The following NPNT variants were observed in gnomAD, a reference collection of about 807,000 sequenced individuals.
The protein encoded by NPNT is preosteoblast EGF-like repeat protein with MAM domain.
Under a neutral mutation model 68.6 loss-of-function variants are expected in NPNT, and 45 were observed. The ratio of observed to expected loss-of-function variants is 0.66; its 90% CI spans 0.52 to 0.84. NPNT has a LOEUF of 0.84. NPNT is among the 40% of genes least tolerant of loss of function. NPNT has a pLI of 0.00. For missense variants in NPNT, 672 were observed against 714.8 expected, an observed-to-expected ratio of 0.94 and a Z score of 0.68; for synonymous variants, 233 against 253.3, an observed-to-expected ratio of 0.92 and a Z score of 0.76.
At chr4:105,956,638 A>G (rs1482901755) in intron 8 of NPNT, among the ~76,000 whole-genome samples, 1 of 152,210 alleles carries the variant, frequency 6.6e-6, no homozygotes, top group Non-Finnish European at 1.5e-5. Context: ...ACTTTCTGTC[A>G]CAAGAAAGCA....
chr4:105,895,897 G>T, intron 1 of NPNT, 174 bp downstream of exon 1: 1 of 604,024 alleles, frequency 1.7e-6, no homozygotes, highest in Non-Finnish European at 2.9e-6. Flanking sequence ...CCGAGTGCCC[G>T]CCCGAGGCGG....
chr4:105,944,617 A>C (rs2149380817), intron 8 of NPNT, among the ~76,000 whole-genome samples: 1 of 152,312 alleles, frequency 6.6e-6, no homozygotes, highest in Admixed American at 6.5e-5. Flanking sequence ...GATGTTTGGG[A>C]GCATTCATTA....
chr4:105,969,369 G>A lies in NPNT; in HGVS notation c.*379G>A, dbSNP rs554463981. On this transcript the variant is annotated 3_prime_UTR_variant, in exon 12 of 12. Transcript: ENST00000379987. ...GTTTTTAAAAGAAATCTTTGCAGAT[G>A]GCTATGATGTTATGTGTTCGGTGTT... The A allele has an allele frequency of 5.7e-6, 1 of 175,362 alleles. No homozygotes were observed. The highest frequency in any genetic ancestry group is 1.5e-4 in the East Asian group (1 of 6,812). The allele number at this position is 175,362 out of a possible 1,614,324, so 10.9% of individuals were successfully genotyped here.
rs868030958 is a variant in NPNT, at chr4:105,942,357, G to A, written c.814G>A (p.Gly272Arg). Residue 272 changes from glycine (G) to arginine (R), a missense_variant, in exon 8 of 12, where the codon GGA becomes AGA. Gly to Arg is a moderately radical substitution (Grantham distance 125). Coordinates refer to ENST00000379987, the MANE Select transcript of NPNT (RefSeq NM_001033047.3). ...EPSGPIHVPK[G>R]NGTILKGDTG... ...TTCAGGTCCAATTCATGTACCAAAG[G>A]GAAATGGTACCATTTTAAAGGGTGA... 2 of 1,612,160 alleles carry A rather than the reference G, an allele frequency of 1.2e-6. No homozygotes were observed. Among genetic ancestry groups the A allele is most frequent in the Non-Finnish European group, 1.7e-6 (2 of 1,178,668 alleles).
rs536515526 is a variant in NPNT, at chr4:105,931,007, A to G, written c.265+3579A>G. On this transcript the variant is annotated intron_variant, in intron 3 of 11. Coordinates refer to ENST00000379987, the MANE Select transcript of NPNT (RefSeq NM_001033047.3). ...GCTGATCATTAACATACTGTACTCT[A>G]CAAGGCACACGTTACCTTTCAAAGC... 7.2e-5 allele frequency among the ~76,000 whole-genome samples: 11 copies of G among 152,312 alleles called. No individual in the cohort carries two copies. In the South Asian group the frequency reaches 2.1e-3, roughly 29 times the overall value.
chr4:105,908,514 T>A (rs1398154198), intron 2 of NPNT, among the ~76,000 whole-genome samples: 4 of 152,048 alleles, frequency 2.6e-5, no homozygotes, highest in Admixed American at 6.6e-5. Flanking sequence ...AACTAGGAAT[T>A]TTGGATTTAT....
intron 3 of NPNT, among the ~76,000 whole-genome samples, chr4:105,933,083 G>C (rs2149362489): frequency 6.6e-6 from 1 of 152,236 alleles, no homozygotes; most frequent in South Asian, 2.1e-4. Flanking sequence ...CCCCACTCTT[G>C]AGGTATAGAG....
chr4:105,905,038 T>C (rs1726770529), intron 2 of NPNT, among the ~76,000 whole-genome samples: 1 of 151,970 alleles, frequency 6.6e-6, no homozygotes, highest in African/African-American at 2.4e-5. Flanking sequence ...GCCCGGCCAT[T>C]AGCCATAATT....
chr4:105,940,994 A>G (rs1729901570), intron 7 of NPNT, among the ~76,000 whole-genome samples: 1 of 151,894 alleles, frequency 6.6e-6, no homozygotes, highest in African/African-American at 2.4e-5. Flanking sequence ...TAATCTGGAT[A>G]TATTCTACAT....
At chr4:105,907,764 C>A (rs367902484) in intron 2 of NPNT, among the ~76,000 whole-genome samples, 1 of 152,106 alleles carries the variant, frequency 6.6e-6, no homozygotes, top group East Asian at 1.9e-4. Flanking sequence ...TAAGTAATAT[C>A]AAATACAAAT....
chr4:105,964,149 C>T (rs930337727), intron 10 of NPNT, among the ~76,000 whole-genome samples: 4 of 152,158 alleles, frequency 2.6e-5, no homozygotes, highest in Admixed American at 6.5e-5. Context: ...AGCAGTGCCT[C>T]GCCCAGAGTT....
At position 105,926,334 on chromosome 4, in the gene NPNT, A is replaced by T. The variant is rs138081703; in HGVS notation, c.173-1002A>T. Among the ~76,000 whole-genome samples, 1,508 of 152,308 alleles carry T rather than the reference A, an allele frequency of 9.9e-3. 28 individuals are homozygous for T. The highest frequency in any genetic ancestry group is 0.034 in the African/African-American group (1,414 of 41,568). On this transcript the variant is annotated intron_variant, in intron 2 of 11. Coordinates refer to ENST00000379987, the MANE Select transcript of NPNT (RefSeq NM_001033047.3). ...GCTATACAATTATTTTTCATCTATT[A>T]TAGTGTCTGGCATAGGGACATGCAC... is the stretch of plus-strand genomic sequence containing the variant.
At chr4:105,948,589 G>A (rs1191280097) in intron 8 of NPNT, among the ~76,000 whole-genome samples, 1 of 152,112 alleles carries the variant, frequency 6.6e-6, no homozygotes, top group Non-Finnish European at 1.5e-5. Context: ...TTGATGGGGA[G>A]AACTTATGTG....
intron 8 of NPNT, among the ~76,000 whole-genome samples, chr4:105,946,470 A>G (rs1730394866): frequency 1.3e-5 from 2 of 152,180 alleles, no homozygotes; most frequent in South Asian, 4.1e-4. Context: ...CAATATTTTA[A>G]CATAGGTTCT....
At chr4:105,966,059 G>A (rs1209235701) in intron 10 of NPNT, among the ~76,000 whole-genome samples, 1 of 152,176 alleles carries the variant, frequency 6.6e-6, no homozygotes, top group Admixed American at 6.5e-5. Flanking sequence ...ATTTTATCAT[G>A]TCCTGTATAA....
intron 2 of NPNT, 174 bp from the exon 3 acceptor site, chr4:105,927,160 ATG>A (rs201417172): frequency 3.5e-3 from 1,629 of 470,114 alleles, no homozygotes; most frequent in South Asian, 4.7e-3. Flanking sequence ...TACATAACAC[ATG>A]TGTGTGTGTG....
At chr4:105,901,119 A>C (rs1445809527) in intron 2 of NPNT, among the ~76,000 whole-genome samples, 1 of 152,160 alleles carries the variant, frequency 6.6e-6, no homozygotes. Context: ...TATTTTAATT[A>C]TGCTTTTATT....
intron 5 of NPNT, 76 bp downstream of exon 5, chr4:105,938,496 AGG>A: frequency 4.2e-6 from 6 of 1,444,996 alleles, no homozygotes; most frequent in Admixed American, 4.0e-5. Flanking sequence ...GATGGGAATA[AGG>A]AAAAAAAAGG....
intron 3 of NPNT, among the ~76,000 whole-genome samples, chr4:105,934,765 AT>A (rs905301863): frequency 4.6e-5 from 7 of 151,732 alleles, no homozygotes; most frequent in Admixed American, 6.6e-5. Flanking sequence ...TACAGTCCAG[AT>A]TTTTTTTTGG....
Sources: allele counts gnomAD v4.1 joint callset (sites outside exome capture counted in the v4.1 genomes callset), GRCh38; gene constraint gnomAD v4.1.1; transcripts MANE v1.5; gene names NCBI Gene and HGNC (gene_info 2026-07-23, HGNC 2026-07-21).